Variants in FSHR observed in about 807,000 individuals in gnomAD.
FSHR encodes the protein follicle-stimulating hormone receptor.
In FSHR, 46 loss-of-function variants were observed where a neutral mutation model predicts 52.1. The ratio of observed to expected loss-of-function variants is 0.88; its 90% CI spans 0.70 to 1.13. The LOEUF (loss-of-function observed/expected upper bound fraction) is 1.13. FSHR is among the 50% of genes most tolerant of loss of function. FSHR has a pLI of 0.00. For missense variants in FSHR, 964 were observed against 834.6 expected (o/e 1.16, Z -1.91); for synonymous variants, 399 against 309.6 (o/e 1.29, Z -3.03).
At chr2:49,099,219 G>A (rs1032746790) in intron 1 of FSHR, among the ~76,000 whole-genome samples, 1 of 152,040 alleles carries the variant, frequency 6.6e-6, no homozygotes, top group Non-Finnish European at 1.5e-5. Flanking sequence ...GAGAGACCCA[G>A]TGGAAGATAA....
At chr2:49,114,931 A>C (rs1046762232) in intron 1 of FSHR, among the ~76,000 whole-genome samples, 19 of 152,080 alleles carry the variant, frequency 1.2e-4, no homozygotes, top group African/African-American at 3.9e-4. Context: ...ATACAGAAAA[A>C]GCAATCATTG....
intron 4 of FSHR, among the ~76,000 whole-genome samples, chr2:49,006,846 C>A (rs887300888): frequency 6.6e-6 from 1 of 152,162 alleles, no homozygotes; most frequent in Non-Finnish European, 1.5e-5. Context: ...CTCAACCACG[C>A]TTTCTAAAGC....
At chr2:49,134,916 G>T (rs1015916870) in intron 1 of FSHR, among the ~76,000 whole-genome samples, 13 of 152,246 alleles carry the variant, frequency 8.5e-5, no homozygotes, top group Admixed American at 2.0e-4. Context: ...GGACTGTTGT[G>T]GGGTGGGAGG....
At chr2:49,124,770 T>C (rs1419073925) in intron 1 of FSHR, among the ~76,000 whole-genome samples, 2 of 152,234 alleles carry the variant, frequency 1.3e-5, no homozygotes, top group African/African-American at 4.8e-5. Context: ...CATCTTCCTG[T>C]TTCTCCTTTG....
At chr2:49,119,515 A>C (rs1196033898) in intron 1 of FSHR, among the ~76,000 whole-genome samples, 2 of 152,082 alleles carry the variant, frequency 1.3e-5, no homozygotes, top group Non-Finnish European at 2.9e-5. Flanking sequence ...AGCACCTGAA[A>C]AATTTTTTTC....
At chr2:49,106,723 C>T (rs1671236388) in intron 1 of FSHR, among the ~76,000 whole-genome samples, 1 of 152,104 alleles carries the variant, frequency 6.6e-6, no homozygotes. Flanking sequence ...CAAATAAATT[C>T]AGTGTGGTTA....
chr2:49,071,854 G>C (rs1009585042), intron 1 of FSHR, among the ~76,000 whole-genome samples: 1 of 152,096 alleles, frequency 6.6e-6, no homozygotes, highest in Non-Finnish European at 1.5e-5. Flanking sequence ...ATCAGCTCTT[G>C]TGAAAACTAA....
intron 2 of FSHR, among the ~76,000 whole-genome samples, chr2:49,066,712 A>G (rs963538474): frequency 1.3e-5 from 2 of 152,084 alleles, no homozygotes; most frequent in Admixed American, 1.3e-4. Context: ...TCGTATTGCC[A>G]CAGGAAGGTT....
chr2:48,973,269 CAT>C (rs1434316962), intron 8 of FSHR, among the ~76,000 whole-genome samples: 22 of 151,050 alleles, frequency 1.5e-4, no homozygotes, highest in Admixed American at 2.0e-4. Flanking sequence ...CACACACACA[CAT>C]GCACATGCAA....
intron 1 of FSHR, among the ~76,000 whole-genome samples, chr2:49,087,077 T>TTTTTTG (rs1486651767): frequency 7.0e-6 from 1 of 143,864 alleles, no homozygotes. Context: ...AGGGTTTTTT[T>TTTTTTG]TTTTTTTTTT....
intron 4 of FSHR, among the ~76,000 whole-genome samples, chr2:49,012,119 C>T (rs567593587): frequency 1.3e-5 from 2 of 152,062 alleles, no homozygotes; most frequent in Non-Finnish European, 2.9e-5. Flanking sequence ...GTGGGGCTTA[C>T]AGCACTGTGT....
intron 4 of FSHR, among the ~76,000 whole-genome samples, chr2:48,993,785 A>C (rs1388240147): frequency 6.6e-6 from 1 of 152,080 alleles, no homozygotes. Flanking sequence ...TCCTTTCTCC[A>C]AATATTTGCA....
chr2:49,017,682 TCATC>T (rs891302351), intron 3 of FSHR, 119 bp from the exon 4 acceptor site: 177 of 756,260 alleles, frequency 2.3e-4, no homozygotes, highest in African/African-American at 1.5e-3. Flanking sequence ...ACCCATCTAT[TCATC>T]CATCCATCCA....
chr2:48,968,630 A>T, intron 9 of FSHR, 68 bp downstream of exon 9: 2 of 1,545,736 alleles, frequency 1.3e-6, no homozygotes, highest in Non-Finnish European at 1.8e-6. Context: ...TGTCACAGAT[A>T]GGTAGAAATT....
intron 4 of FSHR, chr2:48,997,218 T>C: frequency 1.0e-6 from 1 of 984,960 alleles, no homozygotes; most frequent in Non-Finnish European, 1.2e-6. Context: ...AATGATTTTG[T>C]GTAAGAAATT....
intron 1 of FSHR, among the ~76,000 whole-genome samples, chr2:49,101,953 T>C (rs1328807111): frequency 1.3e-5 from 2 of 152,072 alleles, no homozygotes; most frequent in African/African-American, 2.4e-5. Context: ...ATCAGTCCCA[T>C]TGAAGCTCCC....
intron 6 of FSHR, 21 bp from the exon 7 acceptor site, chr2:48,983,187 A>C: frequency 1.2e-6 from 2 of 1,606,416 alleles, no homozygotes; most frequent in South Asian, 2.2e-5. Flanking sequence ...AGGCCTATTA[A>C]AAAACCAATA....
intron 1 of FSHR, among the ~76,000 whole-genome samples, chr2:49,098,544 G>A (rs961334148): frequency 6.6e-6 from 1 of 151,762 alleles, no homozygotes; most frequent in Non-Finnish European, 1.5e-5. Context: ...CCACTATATT[G>A]TCTTCAGTGA....
intron 1 of FSHR, among the ~76,000 whole-genome samples, chr2:49,144,239 C>T (rs1269571416): frequency 2.0e-5 from 3 of 152,114 alleles, no homozygotes; most frequent in Non-Finnish European, 2.9e-5. Flanking sequence ...TGCAGCAATT[C>T]CCCAACAAAC....
Sources: allele counts gnomAD v4.1 joint callset (sites outside exome capture counted in the v4.1 genomes callset), GRCh38; gene constraint gnomAD v4.1.1; transcripts MANE v1.5; gene names NCBI Gene and HGNC (gene_info 2026-07-23, HGNC 2026-07-21).